ZCCHC7: variants seen among roughly 807,000 people sequenced by gnomAD.
The protein encoded by ZCCHC7 is zinc finger CCHC domain-containing protein 7.
Under a neutral mutation model 52.0 loss-of-function variants are expected in ZCCHC7, and 35 were observed. The observed-to-expected ratio is 0.67, with a 90% CI of 0.51 to 0.89. The LOEUF (loss-of-function observed/expected upper bound fraction) is 0.89, where lower values mean the gene tolerates loss of function less well. Among genes scored for constraint, ZCCHC7 ranks in the 40% least tolerant of loss-of-function variants. The probability of loss-of-function intolerance (pLI) is 0.00; values close to 1 mark genes in which losing one functional copy is unlikely to be tolerated. For synonymous variants in ZCCHC7, 217 were observed against 221.5 expected, an observed-to-expected ratio of 0.98 and a Z score of 0.18; for missense variants, 574 against 649.1, an observed-to-expected ratio of 0.88 and a Z score of 1.26.
intron 2 of ZCCHC7, among the ~76,000 whole-genome samples, chr9:37,186,217 T>A (rs1407319403): frequency 6.6e-6 from 1 of 152,226 alleles, no homozygotes; most frequent in Non-Finnish European, 1.5e-5. Context: ...ATTTATTTTT[T>A]AGTTCCTTTT....
intron 2 of ZCCHC7, among the ~76,000 whole-genome samples, chr9:37,131,060 G>A (rs551051337): frequency 5.9e-4 from 90 of 151,898 alleles, no homozygotes; most frequent in Non-Finnish European, 9.7e-4. Context: ...TAAAAAAATG[G>A]CCAGGCCTGG....
rs369273099 is a variant in ZCCHC7 at position 37,183,746 on chromosome 9, A to C, written c.610+56804A>C. On this transcript the variant is annotated intron_variant, in intron 2 of 8. Coordinates refer to ENST00000336755, the MANE Select transcript of ZCCHC7 (RefSeq NM_032226.3). ...TCACTGTTTTCCTCCTCACATCAAC[A>C]ACCCCAATGAATTTTATCTCTCATT... Among the ~76,000 whole-genome samples, 33 of 152,334 alleles carry C rather than the reference A, an allele frequency of 2.2e-4. No individual in the cohort carries two copies. The East Asian group carries it at 3.5e-3, about 16-fold the overall frequency.
intron 5 of ZCCHC7, among the ~76,000 whole-genome samples, chr9:37,311,287 A>AT (rs1040332380): frequency 1.3e-5 from 2 of 152,056 alleles, no homozygotes; most frequent in Non-Finnish European, 2.9e-5. Context: ...TTATTCAGCA[A>AT]TTTTTTTCTC....
At chr9:37,149,525 G>A (rs1281318072) in intron 2 of ZCCHC7, among the ~76,000 whole-genome samples, 1 of 151,880 alleles carries the variant, frequency 6.6e-6, no homozygotes, top group Non-Finnish European at 1.5e-5. Flanking sequence ...GTCTCTCCAG[G>A]CTTTTAAGAT....
At chr9:37,319,933 A>G (rs547939531) in intron 5 of ZCCHC7, among the ~76,000 whole-genome samples, 6 of 152,330 alleles carry the variant, frequency 3.9e-5, no homozygotes, top group African/African-American at 1.2e-4. Flanking sequence ...TCAAAGGTCA[A>G]TTGGCCATAT....
intron 2 of ZCCHC7, among the ~76,000 whole-genome samples, chr9:37,301,827 C>T (rs554727467): frequency 6.6e-6 from 1 of 152,298 alleles, no homozygotes; most frequent in South Asian, 2.1e-4. Flanking sequence ...TTTCATTCTG[C>T]ATCTGCTGTT....
At chr9:37,334,252 C>T (rs1053948908) in intron 6 of ZCCHC7, among the ~76,000 whole-genome samples, 1 of 151,780 alleles carries the variant, frequency 6.6e-6, no homozygotes, top group Non-Finnish European at 1.5e-5. Flanking sequence ...ACATTTCAGT[C>T]CAACAGTAAA....
intron 2 of ZCCHC7, among the ~76,000 whole-genome samples, chr9:37,256,601 A>G (rs780964925): frequency 2.6e-5 from 4 of 152,176 alleles, no homozygotes; most frequent in Non-Finnish European, 4.4e-5. Context: ...TTAAGCCTCA[A>G]TACTCTAGTA....
intron 2 of ZCCHC7, among the ~76,000 whole-genome samples, chr9:37,128,705 C>CGT (rs1842641892): frequency 2.0e-5 from 3 of 152,128 alleles, no homozygotes; most frequent in African/African-American, 7.2e-5. Context: ...GAAATCATTG[C>CGT]ACTTGAGTGA....
intron 2 of ZCCHC7, among the ~76,000 whole-genome samples, chr9:37,169,862 T>G (rs1022305207): frequency 6.6e-6 from 1 of 152,122 alleles, no homozygotes; most frequent in African/African-American, 2.4e-5. Context: ...GCCCAGCAGT[T>G]CAAGACCAGC....
chr9:37,273,515 AAAAG>A (rs921710731), intron 2 of ZCCHC7, among the ~76,000 whole-genome samples: 4 of 152,198 alleles, frequency 2.6e-5, no homozygotes, highest in Non-Finnish European at 5.9e-5. Context: ...AAAGAAAAGA[AAAAG>A]AAAGGGTGTC....
Position 37,277,809 on chromosome 9 carries a change from G to T in ZCCHC7, c.611-24379G>T, listed in dbSNP as rs1472628786. ...CAAATATTTGATCCTTGAACAAAAC[G>T]TGAACATTCTTCAGAGGAACATAAT... On this transcript the variant is annotated intron_variant, in intron 2 of 8. Transcript: ENST00000336755. 3.3e-5 allele frequency among the ~76,000 whole-genome samples: 5 copies of T among 152,122 alleles called. 1 individual carries two copies. The East Asian group carries it at 7.7e-4, about 24-fold the overall frequency.
chr9:37,316,344 G>A (rs544376526), intron 5 of ZCCHC7, among the ~76,000 whole-genome samples: 1 of 151,634 alleles, frequency 6.6e-6, no homozygotes, highest in South Asian at 2.1e-4. Flanking sequence ...ACAGGCATGA[G>A]CCAATGTGTC....
At chr9:37,174,145 C>G (rs1228928614) in intron 2 of ZCCHC7, among the ~76,000 whole-genome samples, 3 of 152,016 alleles carry the variant, frequency 2.0e-5, no homozygotes, top group Non-Finnish European at 4.4e-5. Context: ...AACCCCATCT[C>G]TACGAAAAAT....
At chr9:37,237,331 G>T (rs1030263449) in intron 2 of ZCCHC7, among the ~76,000 whole-genome samples, 1 of 152,106 alleles carries the variant, frequency 6.6e-6, no homozygotes, top group Admixed American at 6.5e-5. Context: ...ATTCACAAGC[G>T]CTAATTGAAA....
intron 2 of ZCCHC7, among the ~76,000 whole-genome samples, chr9:37,222,328 AGTGT>A (rs74182938): frequency 0.14 from 17,992 of 132,832 alleles, 1,310 homozygotes; most frequent in African/African-American, 0.21. Context: ...AGAATAACAG[AGTGT>A]GTGTGTGTGT....
At chr9:37,282,463 G>A (rs933426009) in intron 2 of ZCCHC7, among the ~76,000 whole-genome samples, 14 of 151,904 alleles carry the variant, frequency 9.2e-5, no homozygotes, top group African/African-American at 2.7e-4. Context: ...AAATTAGCCA[G>A]GCGTGGTGGT....
chr9:37,256,604 C>A (rs1328719419), intron 2 of ZCCHC7, among the ~76,000 whole-genome samples: 1 of 152,090 alleles, frequency 6.6e-6, no homozygotes, highest in Non-Finnish European at 1.5e-5. Context: ...AGCCTCAATA[C>A]TCTAGTACAT....
intron 2 of ZCCHC7, among the ~76,000 whole-genome samples, chr9:37,256,539 A>G (rs932844726): frequency 1.3e-5 from 2 of 152,162 alleles, no homozygotes; most frequent in Non-Finnish European, 2.9e-5. Flanking sequence ...TTTTTTTAAA[A>G]AGCTAGTTAG....
Sources: allele counts gnomAD v4.1 joint callset (sites outside exome capture counted in the v4.1 genomes callset), GRCh38; gene constraint gnomAD v4.1.1; transcripts MANE v1.5; gene names NCBI Gene and HGNC (gene_info 2026-07-23, HGNC 2026-07-21).